CACNA1S: variants seen among roughly 807,000 people sequenced by gnomAD.
The protein encoded by CACNA1S is calcium voltage-gated channel subunit alpha1 S.
Under a neutral mutation model 207.4 loss-of-function variants are expected in CACNA1S, and 126 were observed. That is an observed-to-expected ratio of 0.61 (90% CI 0.53 to 0.70). The LOEUF (loss-of-function observed/expected upper bound fraction) is 0.70, where lower values mean the gene tolerates loss of function less well. CACNA1S is among the 30% of genes least tolerant of loss of function. The pLI, the probability that CACNA1S is intolerant of heterozygous loss-of-function variation, is 0.00. For missense variants in CACNA1S, 2,349 were observed against 2,422.8 expected (o/e 0.97, Z 0.64); for synonymous variants, 960 against 932.7 (o/e 1.03, Z -0.53).
At chr1:201,046,857 C>T (rs1488025513) in intron 38 of CACNA1S, among the ~76,000 whole-genome samples, 1 of 152,210 alleles carries the variant, frequency 6.6e-6, no homozygotes, top group Non-Finnish European at 1.5e-5. Context: ...TCTTATCTAA[C>T]TTGTCTCTCC....
intron 22 of CACNA1S, 100 bp from the exon 23 acceptor site, chr1:201,062,614 G>C: frequency 9.6e-7 from 1 of 1,041,518 alleles, no homozygotes; most frequent in Non-Finnish European, 1.5e-6. Flanking sequence ...GGGGAGGGAA[G>C]GCAGGCATCT....
At chr1:201,065,251 T>C (rs1661200281) in intron 22 of CACNA1S, among the ~76,000 whole-genome samples, 1 of 152,214 alleles carries the variant, frequency 6.6e-6, no homozygotes, top group African/African-American at 2.4e-5. Context: ...CAATAATGTG[T>C]TGTGTTGCTT....
At position 201,072,155 on chromosome 1, in the gene CACNA1S, C is replaced by T. The variant is rs371051500; in HGVS notation, c.2227+600G>A. On this transcript the variant is annotated intron_variant, in intron 16 of 43. Coordinates refer to ENST00000362061, the MANE Select transcript of CACNA1S (RefSeq NM_000069.3). The stretch of plus-strand genomic sequence containing the variant: ...ATTAATTCAGCCTGGTTCTGCTTGT[C>T]CTCTTCTTGGTCCAGATAAATGGGA... Among the ~76,000 whole-genome samples, 23 of 152,272 alleles carry T rather than the reference C, an allele frequency of 1.5e-4. No homozygotes were observed. The South Asian group carries it at 4.8e-3, about 32-fold the overall frequency.
chr1:201,050,979 C>G lies in CACNA1S; in HGVS notation c.4113+5G>C, dbSNP rs1405734392. On this transcript the variant is annotated splice_donor_5th_base_variant and intron_variant, in intron 33 of 43. Transcript: ENST00000362061. ...TCCCTGCCCCGCAGGCCCTCAGCAT[C>G]TCACCAGGAAGGCACAGAGCATGTA... is the stretch of plus-strand genomic sequence containing the variant. 1.9e-6 allele frequency: 3 copies of G among 1,614,104 alleles called. No homozygotes were observed. In the Admixed American group the frequency reaches 5.0e-5, roughly 27 times the overall value.
intron 24 of CACNA1S, 145 bp from the exon 25 acceptor site, chr1:201,061,613 G>C: frequency 2.5e-6 from 2 of 796,356 alleles, no homozygotes; most frequent in Non-Finnish European, 2.0e-6. Context: ...GAGTTAGGTC[G>C]GCGCCAGGAA....
chr1:201,085,007 C>A lies in CACNA1S; in HGVS notation c.1175G>T (p.Gly392Val). ...REGKLSLDEGGSDTESLYEIA... is the reference protein window; with the variant it reads ...REGKLSLDEGVSDTESLYEIA... ...TTCATACAGGCTCTCTGTGTCAGAG[C>A]CACCTTCATCCAAAGACAGTTTTCC... The change falls in exon 9 of 44, where the codon GGC becomes GTC. Residue 392 changes from glycine to valine, a missense_variant. Coordinates refer to ENST00000362061, the MANE Select transcript of CACNA1S (RefSeq NM_000069.3). The A allele has an allele frequency of 6.2e-7, 1 of 1,611,826 alleles. No individual in the cohort carries two copies. The highest frequency in any genetic ancestry group is 8.5e-7 in the Non-Finnish European group (1 of 1,179,824).
At chr1:201,065,806 A>C (rs1477657292) in intron 22 of CACNA1S, 32 bp downstream of exon 22, 5 of 1,491,392 alleles carry the variant, frequency 3.4e-6, no homozygotes, top group Non-Finnish European at 4.7e-6. Flanking sequence ...TGGGAGCGGG[A>C]GGGGGAGCTG....
At chr1:201,101,448 A>G (rs1662661327) in intron 2 of CACNA1S, among the ~76,000 whole-genome samples, 1 of 152,240 alleles carries the variant, frequency 6.6e-6, no homozygotes, top group Non-Finnish European at 1.5e-5. Flanking sequence ...GGGAAGAGGA[A>G]AAAAGAGCTA....
In CACNA1S at chr1:201,074,435, C is replaced by T. The variant is rs948024214; in HGVS notation, c.2063+71G>A. 5.6e-5 allele frequency: 52 copies of T among 932,098 alleles called. No individual in the cohort carries two copies. In the East Asian group the frequency reaches 1.3e-3, roughly 23 times the overall value. 57.7% of individuals were successfully genotyped at this position (932,098 alleles called of 1,614,324 possible). On this transcript the variant is annotated intron_variant, in intron 14 of 43. Coordinates refer to ENST00000362061, the MANE Select transcript of CACNA1S (RefSeq NM_000069.3). The stretch of plus-strand genomic sequence containing the variant: ...CCTGATCATTGGGTTACAGGGAGGC[C>T]CTGTCCAGAGCTGGAAGGCCATGGC...
At position 201,089,458 on chromosome 1, in the gene CACNA1S, C is replaced by T. The variant is rs370661912; in HGVS notation, c.700G>A (p.Val234Met). 3.2e-5 allele frequency: 52 copies of T among 1,613,804 alleles called. No homozygotes were observed. The highest frequency in any genetic ancestry group is 1.0e-4 in the Admixed American group (6 of 60,016). ...GGCTCTTCATTCTCCACCGTGGCCA[C>T]GATATCTGGAGGCAGAAGGCAAAGG... is the stretch of plus-strand genomic sequence containing the variant. ...KTCYFIGTDI[V>M]ATVENEEPSP... Residue 234 changes from valine to methionine, a missense_variant, in exon 6 of 44, where the codon GTG becomes ATG. Val to Met is a conservative substitution (Grantham distance 21). Transcript: ENST00000362061.
At chr1:201,055,228 T>C (rs1660798509) in intron 28 of CACNA1S, among the ~76,000 whole-genome samples, 1 of 152,246 alleles carries the variant, frequency 6.6e-6, no homozygotes, top group Admixed American at 6.5e-5. Flanking sequence ...GTCATTGTTT[T>C]ATCTTCCAAT....
intron 28 of CACNA1S, 69 bp from the exon 29 acceptor site, chr1:201,054,630 G>T: frequency 8.0e-7 from 1 of 1,257,808 alleles, no homozygotes; most frequent in Non-Finnish European, 1.1e-6. Flanking sequence ...TGGGAGGGAG[G>T]TGAAGAGACG....
Position 201,046,825 on chromosome 1 carries a change from C to T in CACNA1S, c.4668+290G>A, listed in dbSNP as rs146835418. 4.6e-3 allele frequency among the ~76,000 whole-genome samples: 697 copies of T among 152,336 alleles called. 5 individuals are homozygous for T. The highest frequency in any genetic ancestry group is 0.016 in the African/African-American group (657 of 41,566). On this transcript the variant is annotated intron_variant, in intron 38 of 43. Transcript: ENST00000362061. ...CTGGGATTATAGGTGTGAGCCACTGCGCCTGGCCTAGAGACCACTGTTCTT... is the reference window on the plus strand; with the variant it reads ...CTGGGATTATAGGTGTGAGCCACTGTGCCTGGCCTAGAGACCACTGTTCTT...
chr1:201,056,978 T>C (rs1660869112), intron 28 of CACNA1S, among the ~76,000 whole-genome samples: 1 of 152,178 alleles, frequency 6.6e-6, no homozygotes, highest in South Asian at 2.1e-4. Context: ...GCCTCTCACC[T>C]GGATCACTGC....
chr1:201,110,022 G>A, intron 2 of CACNA1S, 142 bp downstream of exon 2: 6 of 776,142 alleles, frequency 7.7e-6, no homozygotes, highest in Non-Finnish European at 1.4e-5. Context: ...AGCCAGCCCT[G>A]CAGGTGGCTG....
rs776628156 is a variant in CACNA1S at position 201,053,196 on chromosome 1, G to C, written c.3861+13C>G. ...AAGATCCATGCTTTGGCCTGGGCCC[G>C]CCTGCCTCTCACCTGCATGCCGATG... On this transcript the variant is annotated intron_variant, in intron 31 of 43. Transcript: ENST00000362061. The surrounding 1 kb of genome is among the most constrained non-coding windows in gnomAD (Gnocchi z 5.1). 5.6e-6 allele frequency: 9 copies of C among 1,614,016 alleles called. No individual in the cohort carries two copies. In the East Asian group the frequency reaches 2.0e-4, roughly 36 times the overall value.
chr1:201,063,727 C>A lies in CACNA1S; in HGVS notation c.2854-1213G>T, dbSNP rs996787051. Among the ~76,000 whole-genome samples the A allele has an allele frequency of 2.6e-5, 4 of 152,210 alleles. No homozygotes were observed. In the South Asian group the frequency reaches 8.3e-4, roughly 31 times the overall value. ...GAAGACACAGCTGGCCCTTGCCCCCCGCTGCCCCTGCCACACAGATCTGTG... is the reference window on the plus strand; with the variant it reads ...GAAGACACAGCTGGCCCTTGCCCCCAGCTGCCCCTGCCACACAGATCTGTG... On this transcript the variant is annotated intron_variant, in intron 22 of 43. Transcript: ENST00000362061.
At chr1:201,056,082 C>G (rs201236676) in intron 28 of CACNA1S, among the ~76,000 whole-genome samples, 1 of 150,484 alleles carries the variant, frequency 6.6e-6, no homozygotes, top group African/African-American at 2.4e-5. Context: ...CACACACACA[C>G]ACACACACAC....
rs748234763 is a variant in CACNA1S, at chr1:201,077,023, A to G, written c.1724T>C (p.Leu575Pro). 1.7e-5 allele frequency: 28 copies of G among 1,614,072 alleles called. No individual in the cohort carries two copies. Among genetic ancestry groups the G allele is most frequent in the Non-Finnish European group, 2.3e-5 (27 of 1,179,998 alleles). The change falls in exon 12 of 44, where the codon CTC becomes CCC. Residue 575 changes from leucine (L) to proline (P), a missense_variant. Physicochemically the swap from Leu to Pro is moderately conservative, Grantham distance 98. Coordinates refer to ENST00000362061, the MANE Select transcript of CACNA1S (RefSeq NM_000069.3). The stretch of plus-strand genomic sequence containing the variant: ...CCCCCCAAAGAGCTGCATGCCCAGG[A>G]GGGCGAAGATGACGATGAAGAGGAA... ...LLFLFIVIFA[L>P]LGMQLFGGRY...
Sources: allele counts gnomAD v4.1 joint callset (sites outside exome capture counted in the v4.1 genomes callset), GRCh38; gene constraint gnomAD v4.1.1; non-coding constraint Gnocchi (gnomAD v3.1); transcripts MANE v1.5; gene names NCBI Gene and HGNC (gene_info 2026-07-23, HGNC 2026-07-21).